FCHO2: variants seen among roughly 807,000 people sequenced by gnomAD.
The protein encoded by FCHO2 is FCH and mu domain containing endocytic adaptor 2.
A neutral mutation model predicts 114.1 loss-of-function variants in FCHO2; 43 were observed. The ratio of observed to expected loss-of-function variants is 0.38; its 90% CI spans 0.30 to 0.49. FCHO2 has a LOEUF of 0.49. Among genes scored for constraint, FCHO2 ranks in the 20% least tolerant of loss-of-function variants. The pLI is 0.97. For missense variants in FCHO2, 807 were observed against 950.4 expected (o/e 0.85, Z 1.98); for synonymous variants, 293 against 315.2 (o/e 0.93, Z 0.75).
At chr5:73,065,254 T>C (rs1758009759) in intron 18 of FCHO2, among the ~76,000 whole-genome samples, 1 of 152,030 alleles carries the variant, frequency 6.6e-6, no homozygotes, top group Admixed American at 6.6e-5. Context: ...TTTTAAATCG[T>C]TATGACTAGA....
intron 8 of FCHO2, chr5:73,020,657 T>C (rs1183766577): frequency 2.9e-5 from 30 of 1,025,700 alleles, no homozygotes; most frequent in Middle Eastern, 3.0e-4. Context: ...GTTCCAGTTA[T>C]TAAATACTAG....
At chr5:73,053,018 G>A (rs1757407223) in intron 13 of FCHO2, among the ~76,000 whole-genome samples, 2 of 152,074 alleles carry the variant, frequency 1.3e-5, no homozygotes, top group Non-Finnish European at 2.9e-5. Context: ...TAGGATTTGA[G>A]GGAGAAATAA....
At chr5:73,043,087 C>T (rs1245196375) in intron 11 of FCHO2, among the ~76,000 whole-genome samples, 1 of 152,040 alleles carries the variant, frequency 6.6e-6, no homozygotes, top group Middle Eastern at 3.2e-3. Flanking sequence ...TGTCACCATG[C>T]CCAGCTGATT....
rs1484640938 is a variant in FCHO2, at chr5:73,051,465, T to C, written c.997+59T>C. 11 of 1,139,468 alleles carry C rather than the reference T, an allele frequency of 9.7e-6. No homozygotes were observed. In the South Asian group the frequency reaches 1.4e-4, roughly 15 times the overall value. 70.6% of individuals were successfully genotyped at this position (1,139,468 alleles called of 1,614,324 possible). A position where few individuals can be genotyped will look rare whatever the true frequency, so the allele number is the denominator to read the frequency against. ...ATGTTGGCATATAAGTAGGCAGTTA[T>C]AAGAAAATCATGTATTAAAGCCTCT... On this transcript the variant is annotated intron_variant, in intron 12 of 25. Coordinates refer to ENST00000430046, the MANE Select transcript of FCHO2 (RefSeq NM_138782.3).
chr5:73,030,324 G>C (rs953282219), intron 8 of FCHO2, among the ~76,000 whole-genome samples: 3 of 152,114 alleles, frequency 2.0e-5, no homozygotes, highest in African/African-American at 7.2e-5. Context: ...TTACAGGCAT[G>C]AGCCACCATG....
chr5:73,060,693 T>G (rs1312730770), intron 17 of FCHO2, among the ~76,000 whole-genome samples: 1 of 152,034 alleles, frequency 6.6e-6, no homozygotes, highest in Non-Finnish European at 1.5e-5. Flanking sequence ...TCTTAATTCA[T>G]CACTGACCTC....
rs79795501 is a variant in FCHO2 at position 73,056,447 on chromosome 5, C to G, written c.1253+340C>G. Among the ~76,000 whole-genome samples the G allele has an allele frequency of 2.4e-3, 364 of 152,312 alleles. 1 individual carries two copies. The highest frequency in any genetic ancestry group is 8.3e-3 in the African/African-American group (345 of 41,564). On this transcript the variant is annotated intron_variant, in intron 16 of 25. Transcript: ENST00000430046. ...AATCTTCTGTGCTCCACCTTCTCAT[C>G]CCTTCTTCCACACACTTACATTTTA...
intron 8 of FCHO2, among the ~76,000 whole-genome samples, chr5:73,029,946 C>T (rs1756139997): frequency 1.3e-5 from 2 of 152,172 alleles, no homozygotes; most frequent in African/African-American, 2.4e-5. Flanking sequence ...GACATCCAAA[C>T]CGTATCAGGT....
chr5:73,049,119 G>A (rs900743483), intron 11 of FCHO2, among the ~76,000 whole-genome samples: 3 of 151,532 alleles, frequency 2.0e-5, no homozygotes, highest in Non-Finnish European at 4.4e-5. Context: ...CTCGTGATCC[G>A]CCCGCCTCGG....
intron 20 of FCHO2, among the ~76,000 whole-genome samples, chr5:73,076,113 C>T (rs1041179909): frequency 2.0e-5 from 3 of 152,072 alleles, no homozygotes; most frequent in Admixed American, 6.6e-5. Context: ...AACCAATAGA[C>T]CCGTGTCTAG....
chr5:72,988,599 G>C lies in FCHO2; in HGVS notation c.126-828G>C, dbSNP rs184769465. On this transcript the variant is annotated intron_variant, in intron 2 of 25. Transcript: ENST00000430046. Reference sequence around the variant, plus strand: ...TAGTTATATAAAACACAGTTTTCTAGTGTGAAATATTTGCTAATATTTTAG... The same window carrying C: ...TAGTTATATAAAACACAGTTTTCTACTGTGAAATATTTGCTAATATTTTAG... Among the ~76,000 whole-genome samples, 134 of 152,244 alleles carry C rather than the reference G, an allele frequency of 8.8e-4. 2 individuals are homozygous for C. Among genetic ancestry groups the C allele is most frequent in the Non-Finnish European group, 6.5e-4 (44 of 68,030 alleles).
intron 9 of FCHO2, among the ~76,000 whole-genome samples, chr5:73,036,911 A>G (rs1218750551): frequency 2.0e-5 from 3 of 152,212 alleles, no homozygotes; most frequent in African/African-American, 7.2e-5. Context: ...AGAAAATTTT[A>G]TCTATAAAGT....
At chr5:73,038,763 G>A (rs927954231) in intron 10 of FCHO2, among the ~76,000 whole-genome samples, 2 of 152,156 alleles carry the variant, frequency 1.3e-5, no homozygotes, top group Non-Finnish European at 2.9e-5. Context: ...TTCTGCAAAT[G>A]TCTTTCTTGA....
chr5:73,046,910 C>G (rs1279036719), intron 11 of FCHO2, among the ~76,000 whole-genome samples: 1 of 152,118 alleles, frequency 6.6e-6, no homozygotes, highest in Non-Finnish European at 1.5e-5. Context: ...CTCAGTTCTC[C>G]CTAACCTTGT....
chr5:73,014,383 G>C (rs911207410), intron 6 of FCHO2, among the ~76,000 whole-genome samples: 4 of 151,108 alleles, frequency 2.6e-5, no homozygotes, highest in African/African-American at 9.7e-5. Context: ...CTGCCTCCCG[G>C]GTTCAAGCGA....
At chr5:73,000,282 G>A (rs1468344566) in intron 5 of FCHO2, among the ~76,000 whole-genome samples, 1 of 152,090 alleles carries the variant, frequency 6.6e-6, no homozygotes. Flanking sequence ...AGACCAGCCT[G>A]GCCAACGTAG....
intron 14 of FCHO2, 53 bp from the exon 15 acceptor site, chr5:73,054,472 T>A (rs1267827777): frequency 6.8e-7 from 1 of 1,462,290 alleles, no homozygotes; most frequent in Non-Finnish European, 9.3e-7. Flanking sequence ...TACCAAATAT[T>A]TAATTATCAA....
chr5:73,076,059 A>T lies in FCHO2; in HGVS notation c.1691+1206A>T, dbSNP rs541134742. On this transcript the variant is annotated intron_variant, in intron 20 of 25. Coordinates refer to ENST00000430046, the MANE Select transcript of FCHO2 (RefSeq NM_138782.3). The stretch of plus-strand genomic sequence containing the variant: ...AAAACAGGAAGATGAGAATGATTTA[A>T]CAAAGGAATTTGAGAGAGCAAGCAG... 5.1e-4 allele frequency among the ~76,000 whole-genome samples: 78 copies of T among 152,278 alleles called. 1 individual carries two copies. The highest frequency in any genetic ancestry group is 1.9e-3 in the African/African-American group (77 of 41,568).
At chr5:73,018,689 C>G (rs1289544602) in intron 8 of FCHO2, among the ~76,000 whole-genome samples, 1 of 152,134 alleles carries the variant, frequency 6.6e-6, no homozygotes, top group East Asian at 1.9e-4. Flanking sequence ...AAGTACCTCT[C>G]TATAGATCAG....
Sources: gnomAD v4.1 joint callset for allele counts (sites outside exome capture counted in the v4.1 genomes callset) on GRCh38, gnomAD v4.1.1 for gene constraint, MANE v1.5 for transcripts, NCBI Gene and HGNC (gene_info 2026-07-23, HGNC 2026-07-21) for gene names.